KCTD16: variants seen among roughly 807,000 people sequenced by gnomAD.
KCTD16 encodes BTB/POZ domain-containing protein KCTD16.
Under a neutral mutation model 33.2 loss-of-function variants are expected in KCTD16, and 13 were observed. The observed-to-expected ratio is 0.39, with a 90% CI of 0.25 to 0.62. KCTD16 has a LOEUF of 0.62. Among genes scored for constraint, KCTD16 ranks in the 20% least tolerant of loss-of-function variants. The probability of loss-of-function intolerance (pLI) is 0.50; values close to 1 mark genes in which losing one functional copy is unlikely to be tolerated. For missense variants in KCTD16, 441 were observed against 525.1 expected, an observed-to-expected ratio of 0.84 and a Z score of 1.57; for synonymous variants, 197 against 195.3, an observed-to-expected ratio of 1.01 and a Z score of -0.07.
At chr5:144,392,472 A>T (rs769316749) in intron 3 of KCTD16, among the ~76,000 whole-genome samples, 2 of 152,198 alleles carry the variant, frequency 1.3e-5, no homozygotes, top group Non-Finnish European at 2.9e-5. Flanking sequence ...ATTTGTGTTA[A>T]AAAGGACAAA....
chr5:144,464,894 T>A (rs1344957087), intron 3 of KCTD16, among the ~76,000 whole-genome samples: 1 of 152,194 alleles, frequency 6.6e-6, no homozygotes, highest in East Asian at 1.9e-4. Context: ...CACTGAGTTG[T>A]CTGAGATTTA....
Position 144,289,140 on chromosome 5 carries a change from A to G in KCTD16, c.832+81594A>G, listed in dbSNP as rs546340513. ...TTTTCTTCATGGCATAACTACTTGTACCTTTAAAAAATTAAGGATGATAGT... is the reference window on the plus strand; with the variant it reads ...TTTTCTTCATGGCATAACTACTTGTGCCTTTAAAAAATTAAGGATGATAGT... On this transcript the variant is annotated intron_variant, in intron 3 of 3. Coordinates refer to ENST00000512467, the MANE Select transcript of KCTD16 (RefSeq NM_020768.4). Among the ~76,000 whole-genome samples, 3 of 152,272 alleles carry G rather than the reference A, an allele frequency of 2.0e-5. No individual in the cohort carries two copies. In the East Asian group the frequency reaches 5.8e-4, roughly 29 times the overall value.
chr5:144,298,094 G>A (rs866766120), intron 3 of KCTD16, among the ~76,000 whole-genome samples: 2 of 152,148 alleles, frequency 1.3e-5, no homozygotes, highest in African/African-American at 4.8e-5. Context: ...CTAAGTGCCC[G>A]GGTTCATCCT....
intron 3 of KCTD16, among the ~76,000 whole-genome samples, chr5:144,225,154 A>T (rs1295562324): frequency 1.3e-5 from 2 of 152,184 alleles, no homozygotes; most frequent in African/African-American, 4.8e-5. Context: ...GAGCCGCCTC[A>T]CAAGATAAAA....
intron 3 of KCTD16, among the ~76,000 whole-genome samples, chr5:144,337,301 T>C (rs1561572044): frequency 6.6e-6 from 1 of 152,094 alleles, no homozygotes; most frequent in Non-Finnish European, 1.5e-5. Flanking sequence ...CTAATAATAA[T>C]TATCATGTTG....
At chr5:144,340,401 CAAAA>C (rs1208475292) in intron 3 of KCTD16, among the ~76,000 whole-genome samples, 1 of 48,250 alleles carries the variant, frequency 2.1e-5, no homozygotes, top group African/African-American at 6.4e-5. Context: ...GACTCCATCT[CAAAA>C]AAAAAAAAAA....
At chr5:144,331,052 A>G (rs1394140533) in intron 3 of KCTD16, among the ~76,000 whole-genome samples, 1 of 152,220 alleles carries the variant, frequency 6.6e-6, no homozygotes, top group African/African-American at 2.4e-5. Flanking sequence ...AACTTTTTCT[A>G]AGCAAAGAAA....
At chr5:144,391,685 C>T (rs182291834) in intron 3 of KCTD16, among the ~76,000 whole-genome samples, 2 of 152,276 alleles carry the variant, frequency 1.3e-5, no homozygotes, top group East Asian at 3.9e-4. Flanking sequence ...CCCTGACGTA[C>T]CTACAATGAA....
intron 3 of KCTD16, among the ~76,000 whole-genome samples, chr5:144,240,889 A>G (rs1271782690): frequency 6.6e-6 from 1 of 152,132 alleles, no homozygotes; most frequent in Non-Finnish European, 1.5e-5. Flanking sequence ...CTTGATGACA[A>G]TGTATGGTTT....
At chr5:144,345,345 A>C (rs1037796711) in intron 3 of KCTD16, among the ~76,000 whole-genome samples, 1 of 152,142 alleles carries the variant, frequency 6.6e-6, no homozygotes, top group Non-Finnish European at 1.5e-5. Flanking sequence ...CCTAAAACTT[A>C]AAGTATAATA....
At chr5:144,311,455 A>ATG (rs776009728) in intron 3 of KCTD16, among the ~76,000 whole-genome samples, 55 of 152,320 alleles carry the variant, frequency 3.6e-4, no homozygotes, top group Non-Finnish European at 7.1e-4. Flanking sequence ...TCTAGGAAGT[A>ATG]TGCTGAAAAC....
chr5:144,407,159 T>C (rs1752825417), intron 3 of KCTD16, among the ~76,000 whole-genome samples: 1 of 151,404 alleles, frequency 6.6e-6, no homozygotes, highest in East Asian at 1.9e-4. Context: ...TGTAGCCTTA[T>C]CAGAGTCTCA....
At chr5:144,186,972 C>A (rs963197491) in intron 2 of KCTD16, among the ~76,000 whole-genome samples, 1 of 152,074 alleles carries the variant, frequency 6.6e-6, no homozygotes, top group South Asian at 2.1e-4. Context: ...TGATCCCTTC[C>A]CTCTCAGCGC....
At chr5:144,326,081 CT>C (rs1200873037) in intron 3 of KCTD16, among the ~76,000 whole-genome samples, 1 of 152,046 alleles carries the variant, frequency 6.6e-6, no homozygotes, top group Admixed American at 6.6e-5. Context: ...TGTAAAATGT[CT>C]TGTTTTCTCA....
At chr5:144,235,133 T>A (rs1329779950) in intron 3 of KCTD16, among the ~76,000 whole-genome samples, 3 of 152,170 alleles carry the variant, frequency 2.0e-5, no homozygotes, top group Non-Finnish European at 4.4e-5. Context: ...TCTCAGCTTA[T>A]GCTTTTAGGG....
chr5:144,332,656 A>T (rs1474096752), intron 3 of KCTD16, among the ~76,000 whole-genome samples: 1 of 152,202 alleles, frequency 6.6e-6, no homozygotes, highest in Non-Finnish European at 1.5e-5. Flanking sequence ...GAAATTGAAG[A>T]AGTTTTATCT....
chr5:144,418,035 G>GAGC (rs1356551461), intron 3 of KCTD16, among the ~76,000 whole-genome samples: 2 of 152,162 alleles, frequency 1.3e-5, no homozygotes, highest in Non-Finnish European at 2.9e-5. Flanking sequence ...GACTTCAGGT[G>GAGC]TGAAGCCACA....
At chr5:144,327,167 A>G (rs1191399638) in intron 3 of KCTD16, among the ~76,000 whole-genome samples, 2 of 152,170 alleles carry the variant, frequency 1.3e-5, no homozygotes, top group Non-Finnish European at 2.9e-5. Context: ...AAGTACATAT[A>G]GTATTTTTTA....
chr5:144,240,633 A>G (rs1754377717), intron 3 of KCTD16, among the ~76,000 whole-genome samples: 1 of 151,850 alleles, frequency 6.6e-6, no homozygotes, highest in Non-Finnish European at 1.5e-5. Context: ...AGTCCTGTCA[A>G]TTTTTCCCAC....
Sources: gnomAD v4.1 joint callset for allele counts (sites outside exome capture counted in the v4.1 genomes callset) on GRCh38, gnomAD v4.1.1 for gene constraint, MANE v1.5 for transcripts, NCBI Gene and HGNC (gene_info 2026-07-23, HGNC 2026-07-21) for gene names.